Variants in HMCN1 observed in about 807,000 individuals in gnomAD.
HMCN1 encodes the protein hemicentin-1.
HMCN1 carries 321 observed loss-of-function variants against 625.9 expected under a neutral mutation model. The ratio of observed to expected loss-of-function variants is 0.51; its 90% CI spans 0.47 to 0.56. The LOEUF is 0.56. Among genes scored for constraint, HMCN1 ranks in the 20% least tolerant of loss-of-function variants. HMCN1 has a pLI of 0.00. For synonymous variants in HMCN1, 2,425 were observed against 2,417.6 expected (o/e 1.00, Z -0.09); for missense variants, 6,588 against 6,887.3 (o/e 0.96, Z 1.54).
intron 2 of HMCN1, among the ~76,000 whole-genome samples, chr1:185,853,731 T>C (rs912421018): frequency 1.9e-4 from 29 of 152,170 alleles, no homozygotes; most frequent in African/African-American, 5.3e-4. Flanking sequence ...TTGTGTAAAC[T>C]TCAAAGGACA....
At chr1:186,141,951 T>C (rs1228583378) in intron 89 of HMCN1, among the ~76,000 whole-genome samples, 1 of 152,220 alleles carries the variant, frequency 6.6e-6, no homozygotes, top group African/African-American at 2.4e-5. Flanking sequence ...AATTGAGTTA[T>C]AATATTTTGC....
chr1:185,962,468 A>C lies in HMCN1; in HGVS notation c.1829-50A>C, dbSNP rs377208997. On this transcript the variant is annotated intron_variant, in intron 11 of 106. Coordinates refer to ENST00000271588, the MANE Select transcript of HMCN1 (RefSeq NM_031935.3). ...AATCTGCTAACATAGGAAGCTTCTA[A>C]CATCAAGATAAATTGGCATTTTTCT... is the stretch of plus-strand genomic sequence containing the variant. 1.3e-5 allele frequency: 20 copies of C among 1,514,438 alleles called. No individual in the cohort carries two copies. The African/African-American group carries it at 2.7e-4, about 21-fold the overall frequency. The allele number at this position is 1,514,438 out of a possible 1,614,324, so 93.8% of individuals were successfully genotyped here.
intron 19 of HMCN1, among the ~76,000 whole-genome samples, chr1:185,987,078 G>C (rs1230215379): frequency 1.3e-5 from 2 of 151,378 alleles, no homozygotes; most frequent in African/African-American, 2.4e-5. Context: ...ACAGTGATTG[G>C]AGACATGCAT....
At chr1:186,172,915 T>C (rs1281530901) in intron 102 of HMCN1, among the ~76,000 whole-genome samples, 1 of 152,024 alleles carries the variant, frequency 6.6e-6, no homozygotes, top group Non-Finnish European at 1.5e-5. Flanking sequence ...CTGTATCCAG[T>C]AGGAGTCACT....
rs540014337 is a variant in HMCN1 at position 186,189,969 on chromosome 1, A to T, written c.*91A>T. On this transcript the variant is annotated 3_prime_UTR_variant, in exon 107 of 107. Transcript: ENST00000271588. ...AGATTACTGTCTCTTGAACAGTTGC[A>T]ATCTTGGCAGCTTGAAAATGGTGCT... 6.2e-6 allele frequency: 9 copies of T among 1,448,588 alleles called. No individual in the cohort carries two copies. In the African/African-American group the frequency reaches 1.3e-4, roughly 20 times the overall value. 89.7% of individuals were successfully genotyped at this position (1,448,588 alleles called of 1,614,324 possible). A position where few individuals can be genotyped will look rare whatever the true frequency, so the allele number is the denominator to read the frequency against.
intron 15 of HMCN1, among the ~76,000 whole-genome samples, chr1:185,971,134 G>A (rs10911789): frequency 0.13 from 19,688 of 152,120 alleles, 3,576 homozygotes; most frequent in African/African-American, 0.41. Flanking sequence ...GTTTCCCTAC[G>A]AAGAGTCATC....
intron 1 of HMCN1, among the ~76,000 whole-genome samples, chr1:185,803,729 T>A (rs1658976709): frequency 6.6e-6 from 1 of 152,112 alleles, no homozygotes; most frequent in African/African-American, 2.4e-5. Flanking sequence ...TAAAAATTTC[T>A]TTTTGATTTC....
intron 15 of HMCN1, among the ~76,000 whole-genome samples, chr1:185,973,556 T>C (rs535121171): frequency 1.3e-5 from 2 of 152,116 alleles, no homozygotes; most frequent in East Asian, 3.9e-4. Flanking sequence ...CAGATTGTTT[T>C]TGTGGGCATA....
chr1:186,105,477 G>A (rs1307195075), intron 69 of HMCN1, among the ~76,000 whole-genome samples: 1 of 152,160 alleles, frequency 6.6e-6, no homozygotes, highest in East Asian at 1.9e-4. Flanking sequence ...GTGTGGTATA[G>A]ACAAGAGTTT....
intron 1 of HMCN1, among the ~76,000 whole-genome samples, chr1:185,837,385 G>GT (rs1661232952): frequency 6.6e-6 from 1 of 151,662 alleles, no homozygotes; most frequent in Non-Finnish European, 1.5e-5. Context: ...TGTTCCCGTT[G>GT]TTTTTTTGCT....
chr1:185,734,693 T>C lies in HMCN1; in HGVS notation c.-87T>C, dbSNP rs886045658. On this transcript the variant is annotated 5_prime_UTR_variant, in exon 1 of 107. Coordinates refer to ENST00000271588, the MANE Select transcript of HMCN1 (RefSeq NM_031935.3). ...ATTCCAAGAGTCTGATGAGTTACTC[T>C]GAGAGGAAACCCTCTGCCTGTTGTT... The C allele has an allele frequency of 1.0e-5, 14 of 1,347,770 alleles. No homozygotes were observed. The highest frequency in any genetic ancestry group is 5.0e-5 in the Admixed American group (3 of 59,618). 83.5% of individuals were successfully genotyped at this position (1,347,770 alleles called of 1,614,324 possible).
chr1:186,069,248 C>T (rs1041768409), intron 50 of HMCN1, among the ~76,000 whole-genome samples: 20 of 152,142 alleles, frequency 1.3e-4, no homozygotes, highest in Middle Eastern at 3.4e-3. Flanking sequence ...CAATTGAGAA[C>T]GATTGAAGAT....
chr1:185,984,128 C>T (rs1244477835), intron 18 of HMCN1, 41 bp from the exon 19 acceptor site: 3 of 1,570,784 alleles, frequency 1.9e-6, no homozygotes, highest in Admixed American at 1.7e-5. Flanking sequence ...CTCACAAATC[C>T]TTTCTTTTTA....
chr1:186,074,918 A>G (rs747371440), intron 53 of HMCN1, 27 bp downstream of exon 53: 1 of 1,535,438 alleles, frequency 6.5e-7, no homozygotes, highest in Non-Finnish European at 9.0e-7. Flanking sequence ...ATTGTATATA[A>G]TGTAATTTAT....
chr1:185,832,221 G>A (rs954227958), intron 1 of HMCN1, among the ~76,000 whole-genome samples: 3 of 150,804 alleles, frequency 2.0e-5, no homozygotes, highest in Admixed American at 6.6e-5. Flanking sequence ...GCTTGAACCC[G>A]GGAGGCAGAG....
chr1:185,963,248 TG>T (rs1278897450), intron 12 of HMCN1, among the ~76,000 whole-genome samples: 1 of 152,158 alleles, frequency 6.6e-6, no homozygotes, highest in Non-Finnish European at 1.5e-5. Context: ...GGTTTGGCAG[TG>T]AAGAAGTCAT....
chr1:185,981,223 T>C (rs1042187881), intron 17 of HMCN1, 150 bp downstream of exon 17: 39 of 653,964 alleles, frequency 6.0e-5, no homozygotes, highest in Admixed American at 3.2e-4. Context: ...ACACTTCATA[T>C]TTCTTAGAAT....
intron 11 of HMCN1, among the ~76,000 whole-genome samples, chr1:185,950,507 G>A (rs1203534253): frequency 2.0e-5 from 3 of 151,574 alleles, no homozygotes; most frequent in Non-Finnish European, 4.4e-5. Context: ...AGGGAAAGGA[G>A]TTGTTGTTTT....
chr1:185,863,478 A>G (rs1662997932), intron 2 of HMCN1, among the ~76,000 whole-genome samples: 1 of 152,246 alleles, frequency 6.6e-6, no homozygotes, highest in Non-Finnish European at 1.5e-5. Flanking sequence ...TAATATTTCA[A>G]CAGCAGTGAA....
Sources: allele counts gnomAD v4.1 joint callset (sites outside exome capture counted in the v4.1 genomes callset), GRCh38; gene constraint gnomAD v4.1.1; transcripts MANE v1.5; gene names NCBI Gene and HGNC (gene_info 2026-07-23, HGNC 2026-07-21).